Variants in CHN1 observed in about 807,000 individuals in gnomAD.
CHN1 encodes the protein N-chimaerin.
CHN1 carries 37 observed loss-of-function variants against 59.5 expected under a neutral mutation model. That is an observed-to-expected ratio of 0.62 (90% CI 0.48 to 0.82). CHN1 has a LOEUF of 0.82. CHN1 is among the 40% of genes least tolerant of loss of function. The pLI, the probability that CHN1 is intolerant of heterozygous loss-of-function variation, is 0.00. For missense variants in CHN1, 469 were observed against 571.0 expected, an observed-to-expected ratio of 0.82 and a Z score of 1.82; for synonymous variants, 206 against 200.4, an observed-to-expected ratio of 1.03 and a Z score of -0.24.
intron 11 of CHN1, among the ~76,000 whole-genome samples, chr2:174,807,384 A>G (rs1684917815): frequency 6.7e-6 from 1 of 149,738 alleles, no homozygotes; most frequent in Non-Finnish European, 1.5e-5. Context: ...ACCCACTTTC[A>G]GTGGGATCGG....
At chr2:174,919,878 T>C (rs930404831) in intron 3 of CHN1, among the ~76,000 whole-genome samples, 3 of 152,162 alleles carry the variant, frequency 2.0e-5, no homozygotes, top group Non-Finnish European at 2.9e-5. Context: ...TTTGAACATA[T>C]TCCTCCAACC....
intron 6 of CHN1, among the ~76,000 whole-genome samples, chr2:174,861,652 A>T (rs1342824863): frequency 6.6e-6 from 1 of 152,220 alleles, no homozygotes; most frequent in Middle Eastern, 3.2e-3. Context: ...TTTGGCAGTC[A>T]AAATGTATGC....
chr2:174,820,013 C>T (rs1574053104), intron 8 of CHN1, among the ~76,000 whole-genome samples: 2 of 151,902 alleles, frequency 1.3e-5, no homozygotes, highest in South Asian at 4.1e-4. Flanking sequence ...TTTATGGCTG[C>T]ATAGTATTCC....
chr2:174,884,109 C>CA (rs1212958977), intron 5 of CHN1, among the ~76,000 whole-genome samples: 1 of 151,676 alleles, frequency 6.6e-6, no homozygotes, highest in Non-Finnish European at 1.5e-5. Context: ...CTGGGAGCTA[C>CA]AGGCACCCGC....
intron 1 of CHN1, among the ~76,000 whole-genome samples, chr2:174,978,380 T>C (rs892055636): frequency 6.6e-6 from 1 of 152,258 alleles, no homozygotes; most frequent in Non-Finnish European, 1.5e-5. Context: ...ATCTGCTAGA[T>C]AATTTGCAAG....
At chr2:174,990,049 T>C (rs908063612) in intron 1 of CHN1, among the ~76,000 whole-genome samples, 6 of 152,056 alleles carry the variant, frequency 3.9e-5, no homozygotes, top group Non-Finnish European at 8.8e-5. Context: ...ATTATTATAC[T>C]TGAATAAAGG....
At chr2:174,834,406 CTTTCTTAA>C (rs1471950092) in intron 7 of CHN1, among the ~76,000 whole-genome samples, 1 of 152,056 alleles carries the variant, frequency 6.6e-6, no homozygotes, top group Non-Finnish European at 1.5e-5. Flanking sequence ...GTATCATTTT[CTTTCTTAA>C]AAAGTTACTG....
intron 1 of CHN1, among the ~76,000 whole-genome samples, chr2:174,958,664 C>T (rs1207092320): frequency 6.6e-6 from 1 of 152,184 alleles, no homozygotes; most frequent in Non-Finnish European, 1.5e-5. Context: ...TTTACTACCT[C>T]TCTGCATCTT....
chr2:174,863,013 C>T (rs982046160), intron 6 of CHN1, among the ~76,000 whole-genome samples: 3 of 152,102 alleles, frequency 2.0e-5, no homozygotes, highest in African/African-American at 7.2e-5. Context: ...AACTGACAGT[C>T]AATGATAAAA....
At chr2:175,004,093 G>A (rs1691981286) in intron 1 of CHN1, among the ~76,000 whole-genome samples, 1 of 151,872 alleles carries the variant, frequency 6.6e-6, no homozygotes, top group South Asian at 2.1e-4. Context: ...AACGTCTAAT[G>A]TTCACATATT....
intron 6 of CHN1, among the ~76,000 whole-genome samples, chr2:174,851,828 A>G (rs1686738700): frequency 6.6e-6 from 1 of 152,238 alleles, no homozygotes; most frequent in African/African-American, 2.4e-5. Flanking sequence ...CATTGACAAT[A>G]TGATTCTATA....
intron 6 of CHN1, among the ~76,000 whole-genome samples, chr2:174,868,639 A>G (rs777837065): frequency 1.4e-4 from 22 of 152,360 alleles, no homozygotes; most frequent in Non-Finnish European, 2.1e-4. Context: ...TAAAGGCAAC[A>G]GGAGAAAAGT....
At chr2:174,940,996 A>AT (rs1439287363) in intron 3 of CHN1, among the ~76,000 whole-genome samples, 3 of 151,928 alleles carry the variant, frequency 2.0e-5, no homozygotes, top group Admixed American at 6.6e-5. Flanking sequence ...ATATTTCCCC[A>AT]TTTTTTCTCT....
intron 5 of CHN1, among the ~76,000 whole-genome samples, chr2:174,894,019 G>A (rs1688132685): frequency 6.6e-6 from 1 of 152,052 alleles, no homozygotes; most frequent in South Asian, 2.1e-4. Flanking sequence ...ACTCCTAGAA[G>A]AAAACATAGG....
intron 4 of CHN1, among the ~76,000 whole-genome samples, chr2:174,915,713 T>G (rs1011741586): frequency 1.3e-5 from 2 of 152,166 alleles, no homozygotes; most frequent in African/African-American, 4.8e-5. Flanking sequence ...ATACTTGTTT[T>G]CATTCCCTGC....
At chr2:174,856,189 C>T (rs1007902937) in intron 6 of CHN1, among the ~76,000 whole-genome samples, 2 of 151,990 alleles carry the variant, frequency 1.3e-5, no homozygotes, top group Non-Finnish European at 2.9e-5. Context: ...CTATAAATTC[C>T]TTAAATTATG....
At chr2:174,834,084 G>A (rs1266079062) in intron 7 of CHN1, among the ~76,000 whole-genome samples, 2 of 152,164 alleles carry the variant, frequency 1.3e-5, no homozygotes. Flanking sequence ...GGAATTACAG[G>A]CGTGAGCCAC....
intron 6 of CHN1, among the ~76,000 whole-genome samples, chr2:174,864,865 CTAAA>C (rs2105457372): frequency 6.6e-6 from 1 of 152,008 alleles, no homozygotes; most frequent in South Asian, 2.1e-4. Flanking sequence ...GACCCTGTCT[CTAAA>C]TAAATAAATA....
At chr2:175,001,340 A>G (rs939018346) in intron 1 of CHN1, among the ~76,000 whole-genome samples, 1 of 152,240 alleles carries the variant, frequency 6.6e-6, no homozygotes, top group African/African-American at 2.4e-5. Flanking sequence ...CTTTTAAAAA[A>G]TACATTTTAA....
Sources: allele counts gnomAD v4.1 joint callset (sites outside exome capture counted in the v4.1 genomes callset), GRCh38; gene constraint gnomAD v4.1.1; transcripts MANE v1.5; gene names NCBI Gene and HGNC (gene_info 2026-07-23, HGNC 2026-07-21).